Variants in SEPTIN9 observed in about 807,000 individuals in gnomAD.
SEPTIN9 encodes septin-9.
Under a neutral mutation model 56.6 loss-of-function variants are expected in SEPTIN9, and 13 were observed. The observed-to-expected ratio is 0.23, with a 90% CI of 0.15 to 0.37. SEPTIN9 has a LOEUF of 0.37. SEPTIN9 is among the 10% of genes least tolerant of loss of function. The pLI is 1.00. For missense variants in SEPTIN9, 650 were observed against 823.1 expected (o/e 0.79, Z 2.57); for synonymous variants, 332 against 334.1 (o/e 0.99, Z 0.07).
At position 77,283,515 on chromosome 17, in the gene SEPTIN9, C is replaced by T. The variant is rs1441682552; in HGVS notation, c.19+1961C>T. ...GGCACTCGCAGGAGTCAGGCTGACC[C>T]CCCAACAAGCCATCGACACCATGAA... On this transcript the variant is annotated intron_variant, in intron 1 of 11. Coordinates refer to ENST00000427177, the MANE Select transcript of SEPTIN9 (RefSeq NM_001113491.2). 1.2e-4 allele frequency among the ~76,000 whole-genome samples: 5 copies of T among 42,318 alleles called. No individual in the cohort carries two copies. In the East Asian group the frequency reaches 2.7e-3, roughly 23 times the overall value. The allele number at this position is 42,318 out of a possible 152,430, so 27.8% of individuals were successfully genotyped here.
intron 3 of SEPTIN9, among the ~76,000 whole-genome samples, chr17:77,441,824 C>T (rs764207721): frequency 3.3e-5 from 5 of 152,344 alleles, no homozygotes; most frequent in Non-Finnish European, 5.9e-5. Flanking sequence ...CCTTTTGTGA[C>T]GGGAACATCC....
chr17:77,358,716 A>G lies in SEPTIN9; in HGVS notation c.77-43343A>G, dbSNP rs369572521. ...CCAACCCACAAAATAAACCTTGGTT[A>G]AAGTAGCCTGTTCATTTTGCTTTAA... On this transcript the variant is annotated intron_variant, in intron 2 of 11. Coordinates refer to ENST00000427177, the MANE Select transcript of SEPTIN9 (RefSeq NM_001113491.2). Among the ~76,000 whole-genome samples, 6 of 152,222 alleles carry G rather than the reference A, an allele frequency of 3.9e-5. No homozygotes were observed. In the East Asian group the frequency reaches 5.8e-4, roughly 15 times the overall value.
intron 2 of SEPTIN9, chr17:77,320,290 G>C: frequency 2.5e-6 from 4 of 1,612,032 alleles, no homozygotes; most frequent in Non-Finnish European, 3.4e-6. Flanking sequence ...TGAGCGGGAC[G>C]CCGGGACTCC....
At chr17:77,432,060 G>A (rs2037163485) in intron 3 of SEPTIN9, among the ~76,000 whole-genome samples, 1 of 152,090 alleles carries the variant, frequency 6.6e-6, no homozygotes, top group Non-Finnish European at 1.5e-5. Flanking sequence ...GGCAGCAGGG[G>A]GGCCCCTCAC....
intron 2 of SEPTIN9, among the ~76,000 whole-genome samples, chr17:77,378,873 T>C (rs1598279369): frequency 7.0e-6 from 1 of 143,614 alleles, no homozygotes. Flanking sequence ...CACAGATGGG[T>C]GGACCATATG....
chr17:77,331,489 C>G (rs973362388), intron 2 of SEPTIN9, among the ~76,000 whole-genome samples: 4 of 152,100 alleles, frequency 2.6e-5, no homozygotes, highest in Non-Finnish European at 1.5e-5. Flanking sequence ...ACCAGTGCCC[C>G]GAGATTGCAG....
At chr17:77,407,048 G>A (rs1434296006) in intron 3 of SEPTIN9, among the ~76,000 whole-genome samples, 3 of 151,988 alleles carry the variant, frequency 2.0e-5, no homozygotes, top group South Asian at 2.1e-4. Flanking sequence ...TTTGGAGGCC[G>A]AAGCAGGCAG....
At chr17:77,366,237 T>C (rs1468291669) in intron 2 of SEPTIN9, among the ~76,000 whole-genome samples, 1 of 152,138 alleles carries the variant, frequency 6.6e-6, no homozygotes, top group South Asian at 2.1e-4. Context: ...CTGGTGTCCA[T>C]GGGATACTGT....
chr17:77,296,625 G>A (rs568217814), intron 1 of SEPTIN9, among the ~76,000 whole-genome samples: 4 of 152,296 alleles, frequency 2.6e-5, no homozygotes, highest in South Asian at 4.1e-4. Context: ...GGCTGAGGCC[G>A]GTGGATCACT....
chr17:77,353,199 G>C (rs1041522926), intron 2 of SEPTIN9, among the ~76,000 whole-genome samples: 1 of 152,206 alleles, frequency 6.6e-6, no homozygotes, highest in African/African-American at 2.4e-5. Flanking sequence ...AGAGGGACCT[G>C]CGTGGCAAGA....
In SEPTIN9 at chr17:77,475,203, G is replaced by C. The variant is rs2039157857; in HGVS notation, c.722-6941G>C. The C allele has an allele frequency of 2.4e-6, 3 of 1,228,236 alleles. No homozygotes were observed. Among genetic ancestry groups the C allele is most frequent in the African/African-American group, 1.5e-5 (1 of 66,106 alleles). The allele number at this position is 1,228,236 out of a possible 1,614,324, so 76.1% of individuals were successfully genotyped here. On this transcript the variant is annotated intron_variant, in intron 3 of 11. Transcript: ENST00000427177. The surrounding 1 kb of genome is among the most constrained non-coding windows in gnomAD (Gnocchi z 4.6). ...TGTCTGGCTTCACAAACCCTGTGTG[G>C]GGGGGTTGTGGTGAGAGGAAACCGC...
chr17:77,342,897 C>G (rs2033776534), intron 2 of SEPTIN9, among the ~76,000 whole-genome samples: 1 of 152,090 alleles, frequency 6.6e-6, no homozygotes, highest in African/African-American at 2.4e-5. Context: ...TAGTTTGAGC[C>G]CGGGAAGGCA....
chr17:77,372,754 G>A (rs1327323045), intron 2 of SEPTIN9, among the ~76,000 whole-genome samples: 2 of 151,604 alleles, frequency 1.3e-5, no homozygotes, highest in African/African-American at 4.9e-5. Flanking sequence ...TAGCTGCAGG[G>A]GTGCCCTCGG....
chr17:77,285,552 C>T (rs991096477), intron 1 of SEPTIN9, among the ~76,000 whole-genome samples: 3 of 152,132 alleles, frequency 2.0e-5, no homozygotes, highest in Non-Finnish European at 4.4e-5. Context: ...CATGTGCCAC[C>T]GTGCCCAGCT....
rs905225929 is a variant in SEPTIN9 at position 77,445,717 on chromosome 17, A to T, written c.722-36427A>T. The T allele has an allele frequency of 6.4e-6, 2 of 314,756 alleles. No homozygotes were observed. Among genetic ancestry groups the T allele is most frequent in the Non-Finnish European group, 1.3e-5 (2 of 151,724 alleles). The allele number at this position is 314,756 out of a possible 1,614,324, so 19.5% of individuals were successfully genotyped here. On this transcript the variant is annotated intron_variant, in intron 3 of 11. Transcript: ENST00000427177. The surrounding 1 kb of genome is among the most constrained non-coding windows in gnomAD (Gnocchi z 4.7). ...GGCTGAGTTGGAGGTGGGAGTCCCA[A>T]CTGTCCCCTGTGGCTTCCAGAGTGG...
At chr17:77,352,115 C>A (rs1047673459) in intron 2 of SEPTIN9, among the ~76,000 whole-genome samples, 1 of 152,114 alleles carries the variant, frequency 6.6e-6, no homozygotes, top group East Asian at 1.9e-4. Context: ...CATCCGAAAT[C>A]GGCCACGTGC....
intron 2 of SEPTIN9, among the ~76,000 whole-genome samples, chr17:77,325,396 C>T (rs1376046205): frequency 6.6e-6 from 1 of 152,216 alleles, no homozygotes; most frequent in Non-Finnish European, 1.5e-5. Flanking sequence ...CCAGCTGGTT[C>T]CGCTGGGTGG....
chr17:77,376,445 G>GAC (rs2034923149), intron 2 of SEPTIN9: 8 of 972,626 alleles, frequency 8.2e-6, no homozygotes, highest in Non-Finnish European at 9.8e-6. Flanking sequence ...TTACAGCGCT[G>GAC]GGATGGTGGC....
intron 2 of SEPTIN9, chr17:77,376,177 G>A: frequency 1.0e-6 from 1 of 987,132 alleles, no homozygotes; most frequent in Middle Eastern, 5.2e-4. Context: ...CAGCAGTGGG[G>A]GAGGCTGGAA....
Sources: gnomAD v4.1 joint callset for allele counts (sites outside exome capture counted in the v4.1 genomes callset) on GRCh38, gnomAD v4.1.1 for gene constraint, Gnocchi (gnomAD v3.1) non-coding constraint, MANE v1.5 for transcripts, NCBI Gene and HGNC (gene_info 2026-07-23, HGNC 2026-07-21) for gene names.